MBNL1: variants seen among roughly 807,000 people sequenced by gnomAD.
MBNL1 encodes muscleblind-like protein 1.
Under a neutral mutation model 42.2 loss-of-function variants are expected in MBNL1, and 8 were observed. The observed-to-expected ratio is 0.19, with a 90% confidence interval of 0.11 to 0.34. MBNL1 has a LOEUF of 0.34. Among genes scored for constraint, MBNL1 ranks in the 10% least tolerant of loss-of-function variants. MBNL1 has a pLI of 1.00. For missense variants in MBNL1, 309 were observed against 495.3 expected (o/e 0.62, Z 3.57); for synonymous variants, 169 against 173.9 (o/e 0.97, Z 0.22).
intron 2 of MBNL1, among the ~76,000 whole-genome samples, chr3:152,370,174 T>C (rs989030566): frequency 2.0e-5 from 3 of 152,196 alleles, no homozygotes; most frequent in Admixed American, 1.3e-4. Context: ...AACACTACTT[T>C]AGCTGTGTCC....
At chr3:152,405,890 A>G (rs1560468001) in intron 2 of MBNL1, among the ~76,000 whole-genome samples, 1 of 152,216 alleles carries the variant, frequency 6.6e-6, no homozygotes, top group Non-Finnish European at 1.5e-5. Context: ...TTTGGATGTC[A>G]TAAAACTTCA....
At chr3:152,311,976 G>T (rs2066821031) in intron 2 of MBNL1, among the ~76,000 whole-genome samples, 1 of 151,794 alleles carries the variant, frequency 6.6e-6, no homozygotes, top group Non-Finnish European at 1.5e-5. Context: ...GGATCACGAG[G>T]TCAGGAGATC....
intron 7 of MBNL1, among the ~76,000 whole-genome samples, 177 bp from the exon 8 acceptor site, chr3:152,456,090 C>T (rs1733227223): frequency 4.0e-5 from 6 of 151,836 alleles, no homozygotes; most frequent in Admixed American, 3.3e-4. Context: ...CCCTTCTCTC[C>T]TTGGAATGTT....
chr3:152,246,316 C>T (rs1400071820), intron 2 of MBNL1, among the ~76,000 whole-genome samples: 1 of 152,050 alleles, frequency 6.6e-6, no homozygotes, highest in Non-Finnish European at 1.5e-5. Context: ...AAGGCTAAAG[C>T]AGCAGAGAAG....
chr3:152,257,016 C>G (rs967400290), intron 2 of MBNL1, among the ~76,000 whole-genome samples: 4 of 152,082 alleles, frequency 2.6e-5, no homozygotes, highest in African/African-American at 9.7e-5. Flanking sequence ...ACTGGTATTA[C>G]AGGGTGTGGA....
chr3:152,279,981 A>G (rs566543696), intron 1 of MBNL1, among the ~76,000 whole-genome samples: 24 of 152,264 alleles, frequency 1.6e-4, no homozygotes, highest in African/African-American at 4.6e-4. Context: ...TCCTCTCTTC[A>G]TAGAGCTATT....
chr3:152,440,189 A>T (rs965006260), intron 4 of MBNL1, among the ~76,000 whole-genome samples: 1 of 152,262 alleles, frequency 6.6e-6, no homozygotes, highest in African/African-American at 2.4e-5. Flanking sequence ...TAACAGAAAT[A>T]CTATGAGGTA....
At chr3:152,275,534 C>T (rs892345665) in intron 1 of MBNL1, among the ~76,000 whole-genome samples, 20 of 151,864 alleles carry the variant, frequency 1.3e-4, no homozygotes, top group Admixed American at 1.3e-3. Context: ...CATGGTGAAA[C>T]CCCGTCTCTA....
intron 2 of MBNL1, among the ~76,000 whole-genome samples, chr3:152,387,150 T>G (rs751261354): frequency 1.3e-5 from 2 of 152,072 alleles, no homozygotes; most frequent in Admixed American, 6.6e-5. Context: ...AAGATCTATC[T>G]TACAGCCAAT....
At chr3:152,282,049 A>C (rs1489697914) in intron 1 of MBNL1, among the ~76,000 whole-genome samples, 1 of 152,142 alleles carries the variant, frequency 6.6e-6, no homozygotes, top group African/African-American at 2.4e-5. Context: ...GCTAAAAATG[A>C]AATAGAATAA....
chr3:152,453,474 A>G (rs754623823), intron 6 of MBNL1, among the ~76,000 whole-genome samples: 2 of 152,228 alleles, frequency 1.3e-5, no homozygotes, highest in Non-Finnish European at 2.9e-5. Context: ...TGACAAATAC[A>G]TTCACTTAAA....
At position 152,299,966 on chromosome 3, in the gene MBNL1, A is replaced by C. The variant is rs1018365816; in HGVS notation, c.-228A>C. ...TCCTAGTATTTCTCTAAAAACCAAA[A>C]CCTCTTTGAATTAACAGTTTCATGC... On this transcript the variant is annotated 5_prime_UTR_variant, in exon 2 of 10. Transcript: ENST00000324210. 2.5e-5 allele frequency: 12 copies of C among 489,276 alleles called. No individual in the cohort carries two copies. Among genetic ancestry groups the C allele is most frequent in the Non-Finnish European group, 3.6e-5 (10 of 279,724 alleles). 30.3% of individuals were successfully genotyped at this position (489,276 alleles called of 1,614,324 possible).
intron 3 of MBNL1, among the ~76,000 whole-genome samples, chr3:152,418,925 C>T (rs1342367377): frequency 6.6e-6 from 1 of 151,856 alleles, no homozygotes; most frequent in African/African-American, 2.4e-5. Context: ...ACTGTGTTAG[C>T]TAGGATGGTC....
chr3:152,305,099 A>G (rs1191071204), intron 2 of MBNL1, among the ~76,000 whole-genome samples: 2 of 152,198 alleles, frequency 1.3e-5, no homozygotes, highest in African/African-American at 2.4e-5. Context: ...TGGCACTTAC[A>G]GCTGAATTCA....
At chr3:152,441,175 C>T (rs2099141107) in intron 4 of MBNL1, among the ~76,000 whole-genome samples, 1 of 152,180 alleles carries the variant, frequency 6.6e-6, no homozygotes, top group Non-Finnish European at 1.5e-5. Context: ...TGACCCTCCA[C>T]TTTTGAATAA....
intron 2 of MBNL1, among the ~76,000 whole-genome samples, chr3:152,386,179 C>A (rs1439655507): frequency 6.6e-6 from 1 of 151,754 alleles, no homozygotes; most frequent in Non-Finnish European, 1.5e-5. Flanking sequence ...TCATACCATA[C>A]AGTGAAGTGA....
At chr3:152,359,672 G>A (rs1038808333) in intron 2 of MBNL1, among the ~76,000 whole-genome samples, 2 of 152,184 alleles carry the variant, frequency 1.3e-5, no homozygotes, top group African/African-American at 4.8e-5. Context: ...TTTGAGAGAG[G>A]AGTATAATAA....
intron 2 of MBNL1, among the ~76,000 whole-genome samples, chr3:152,319,891 G>T (rs2075336605): frequency 6.6e-6 from 1 of 151,872 alleles, no homozygotes; most frequent in Non-Finnish European, 1.5e-5. Context: ...TTACTCCTGG[G>T]TCCCTCATTG....
chr3:152,329,699 A>G (rs904659688), intron 2 of MBNL1, among the ~76,000 whole-genome samples: 1 of 147,086 alleles, frequency 6.8e-6, no homozygotes, highest in African/African-American at 2.5e-5. Flanking sequence ...TATATATTAT[A>G]TATATATATA....
Sources: gnomAD v4.1 joint callset for allele counts (sites outside exome capture counted in the v4.1 genomes callset) on GRCh38, gnomAD v4.1.1 for gene constraint, MANE v1.5 for transcripts, NCBI Gene and HGNC (gene_info 2026-07-23, HGNC 2026-07-21) for gene names.